MGA: variants seen among roughly 807,000 people sequenced by gnomAD.
MGA encodes the protein MAX gene-associated protein.
A neutral mutation model predicts 261.1 loss-of-function variants in MGA; 40 were observed. The observed-to-expected ratio is 0.15, with a 90% CI of 0.12 to 0.20. MGA has a LOEUF of 0.20. MGA is among the 10% of genes least tolerant of loss of function. The pLI is 1.00. For synonymous variants in MGA, 1,302 were observed against 1,290.6 expected (o/e 1.01, Z -0.19); for missense variants, 3,397 against 3,630.5 (o/e 0.94, Z 1.65).
At chr15:41,713,585 G>A (rs973916274) in intron 9 of MGA, 89 bp downstream of exon 9, 1 of 1,379,906 alleles carries the variant, frequency 7.2e-7, no homozygotes, top group African/African-American at 1.5e-5. Flanking sequence ...CCTTAATCCC[G>A]ATCAATTATC....
intron 10 of MGA, among the ~76,000 whole-genome samples, chr15:41,728,531 G>T (rs1227002335): frequency 6.6e-6 from 1 of 152,120 alleles, no homozygotes; most frequent in African/African-American, 2.4e-5. Context: ...ACAATAAAAT[G>T]AGCTATAGAA....
At chr15:41,649,072 G>A (rs1000753418) in intron 1 of MGA, among the ~76,000 whole-genome samples, 2 of 152,038 alleles carry the variant, frequency 1.3e-5, no homozygotes, top group African/African-American at 4.8e-5. Context: ...GAATCTTAGG[G>A]TACAATGTAG....
rs1432103409 is a variant in MGA at position 41,669,479 on chromosome 15, C to T, written c.585C>T (p.His195=). The change falls in exon 2 of 24, where the codon CAC becomes CAT. Residue 195 remains histidine (H), a synonymous_variant. Coordinates refer to ENST00000219905, the MANE Select transcript of MGA (RefSeq NM_001164273.2). ...ACCAAGAAGGGCATATCATCTTGCA[C>T]TCTATGCATCGTTACCTGCCGAGGC... 1 of 1,613,858 alleles carries T rather than the reference C, an allele frequency of 6.2e-7. No individual in the cohort carries two copies. The highest frequency in any genetic ancestry group is 8.5e-7 in the Non-Finnish European group (1 of 1,179,876).
At chr15:41,629,005 GGTGGCGGGCGCCTGTA>G (rs1220453649) in intron 1 of MGA, among the ~76,000 whole-genome samples, 1 of 151,732 alleles carries the variant, frequency 6.6e-6, no homozygotes. Context: ...AGCTGGCCAT[GGTGGCGGGCGCCTGTA>G]GTCGCAGCTA....
intron 1 of MGA, among the ~76,000 whole-genome samples, chr15:41,646,100 C>T (rs894112599): frequency 8.5e-5 from 13 of 152,102 alleles, no homozygotes; most frequent in Middle Eastern, 3.2e-3. Context: ...CTGCTAAGCT[C>T]AATCACTGCT....
Position 41,696,506 on chromosome 15 carries a change from C to T in MGA, c.1496C>T (p.Ser499Phe). The T allele has an allele frequency of 1.2e-6, 2 of 1,613,980 alleles. No individual in the cohort carries two copies. Among genetic ancestry groups the T allele is most frequent in the Middle Eastern group, 1.6e-4 (1 of 6,062 alleles). ...CTTTCCACATCTCGAAAGGATAAAT[C>T]TTCTATGTTGGCAGAATTGGAATAT... is the stretch of plus-strand genomic sequence containing the variant. The change falls in exon 3 of 24, where the codon TCT becomes TTT. Residue 499 changes from serine to phenylalanine, a missense_variant. Ser to Phe is a radical substitution (Grantham distance 155, BLOSUM62 -2). This residue lies in a region of MGA where 563 missense variants were observed against 563.6 expected (regional missense o/e 1.00). Coordinates refer to ENST00000219905, the MANE Select transcript of MGA (RefSeq NM_001164273.2).
chr15:41,718,321 AC>A, intron 9 of MGA: 2 of 251,432 alleles, frequency 8.0e-6, no homozygotes, highest in East Asian at 5.5e-5. Context: ...ATATATATAT[AC>A]ATATATATAT....
chr15:41,640,699 A>G (rs2056804605), intron 1 of MGA, among the ~76,000 whole-genome samples: 1 of 152,106 alleles, frequency 6.6e-6, no homozygotes. Flanking sequence ...TTGTATTTTT[A>G]GTAGAGACGG....
chr15:41,678,954 A>G (rs28850384), intron 2 of MGA, among the ~76,000 whole-genome samples: 84,406 of 152,034 alleles, frequency 0.56, 25,244 homozygotes, highest in Middle Eastern at 0.72. Flanking sequence ...ACATTTTCAA[A>G]TTGGGCAGTG....
At chr15:41,664,642 A>G (rs1366389106) in intron 1 of MGA, among the ~76,000 whole-genome samples, 2 of 152,224 alleles carry the variant, frequency 1.3e-5, no homozygotes, top group Non-Finnish European at 1.5e-5. Flanking sequence ...TGTTTTGCAT[A>G]CTTATTCACA....
chr15:41,700,444 A>T (rs1179136380), intron 5 of MGA, among the ~76,000 whole-genome samples: 1 of 152,016 alleles, frequency 6.6e-6, no homozygotes, highest in Non-Finnish European at 1.5e-5. Flanking sequence ...CCCTCCTTGC[A>T]TCCATGTGTT....
intron 3 of MGA, among the ~76,000 whole-genome samples, chr15:41,698,554 GA>G (rs1293445808): frequency 2.0e-5 from 3 of 152,162 alleles, no homozygotes; most frequent in Non-Finnish European, 4.4e-5. Flanking sequence ...TAAGCTATCT[GA>G]ATATAGGCTC....
chr15:41,687,397 T>C (rs190057407), intron 2 of MGA, among the ~76,000 whole-genome samples: 11 of 152,328 alleles, frequency 7.2e-5, no homozygotes, highest in Admixed American at 5.9e-4. Flanking sequence ...TTTGTATTTG[T>C]ATTTTGTATT....
intron 22 of MGA, among the ~76,000 whole-genome samples, chr15:41,763,092 CTTTTTTT>C (rs71108131): frequency 1.1e-4 from 7 of 63,950 alleles, no homozygotes; most frequent in Non-Finnish European, 1.4e-4. Context: ...TTCTTTCTTC[CTTTTTTT>C]TTTTTTTTTT....
chr15:41,671,564 G>A (rs1326924142), intron 2 of MGA, among the ~76,000 whole-genome samples: 1 of 151,736 alleles, frequency 6.6e-6, no homozygotes, highest in Non-Finnish European at 1.5e-5. Context: ...CCTGACCTCA[G>A]GTGATCCACC....
chr15:41,720,316 G>A (rs1056202685), intron 9 of MGA, among the ~76,000 whole-genome samples: 1 of 152,086 alleles, frequency 6.6e-6, no homozygotes, highest in Non-Finnish European at 1.5e-5. Flanking sequence ...CAGGAGGATC[G>A]CTTGAGCCCA....
At chr15:41,716,465 A>T (rs540884993) in intron 9 of MGA, among the ~76,000 whole-genome samples, 10 of 152,110 alleles carry the variant, frequency 6.6e-5, no homozygotes, top group Non-Finnish European at 1.5e-4. Flanking sequence ...AAAAAAAGAA[A>T]AAGAAAAAGG....
intron 1 of MGA, among the ~76,000 whole-genome samples, chr15:41,665,466 A>G (rs1454710890): frequency 1.3e-5 from 2 of 151,648 alleles, no homozygotes; most frequent in Non-Finnish European, 2.9e-5. Context: ...AGCTCACTGC[A>G]GCCTTGGCCT....
At chr15:41,634,433 C>T (rs1425159618) in intron 1 of MGA, among the ~76,000 whole-genome samples, 1 of 152,176 alleles carries the variant, frequency 6.6e-6, no homozygotes, top group Non-Finnish European at 1.5e-5. Flanking sequence ...TGCTGAATGG[C>T]TTTATCTCCT....
Sources: allele counts gnomAD v4.1 joint callset (sites outside exome capture counted in the v4.1 genomes callset), GRCh38; gene constraint gnomAD v4.1.1; regional missense constraint gnomAD v4.1.1; transcripts MANE v1.5; gene names NCBI Gene and HGNC (gene_info 2026-07-23, HGNC 2026-07-21).